ITGA11: variants seen among roughly 807,000 people sequenced by gnomAD.
ITGA11 encodes integrin alpha-11.
In ITGA11, 97 loss-of-function variants were observed where a neutral mutation model predicts 141.9. That is an observed-to-expected ratio of 0.68 (90% confidence interval 0.58 to 0.81). The LOEUF is 0.81. ITGA11 is among the 30% of genes least tolerant of loss of function. The probability of loss-of-function intolerance (pLI) is 0.00; values close to 1 mark genes in which losing one functional copy is unlikely to be tolerated. For synonymous variants in ITGA11, 658 were observed against 624.6 expected, an observed-to-expected ratio of 1.05 and a Z score of -0.80; for missense variants, 1,387 against 1,559.2, an observed-to-expected ratio of 0.89 and a Z score of 1.86.
At position 68,298,232 on chromosome 15, in the gene ITGA11, G is replaced by C. The variant is rs748100248; in HGVS notation, c.*4827C>G. The C allele has an allele frequency of 2.0e-5, 3 of 152,188 alleles. No homozygotes were observed. The highest frequency in any genetic ancestry group is 4.4e-5 in the Non-Finnish European group (3 of 68,038). 9.4% of individuals were successfully genotyped at this position (152,188 alleles called of 1,614,324 possible). A position where few individuals can be genotyped will look rare whatever the true frequency, so the allele number is the denominator to read the frequency against. ...TCACAAAACCTTAGCTTGTTGGCAA[G>C]TTTAGACAAAATTATATTTTCTAAT... On this transcript the variant is annotated 3_prime_UTR_variant, in exon 30 of 30. Coordinates refer to ENST00000315757, the MANE Select transcript of ITGA11 (RefSeq NM_001004439.2).
chr15:68,370,392 C>T (rs148216883), intron 2 of ITGA11, among the ~76,000 whole-genome samples: 1 of 152,148 alleles, frequency 6.6e-6, no homozygotes, highest in African/African-American at 2.4e-5. Flanking sequence ...AGAGTTCTAC[C>T]TCAGACTGGA....
chr15:68,364,749 G>A lies in ITGA11; in HGVS notation c.315C>T (p.Leu105=), dbSNP rs557058047. ...NVSERKDNMR[L]GLSLATNPKD... is the part of the protein sequence containing the mutation. ...TGGGGTTGGTGGCGAGACTAAGGCC[G>A]AGGCGCATGTTGTCTTTCCGCTCGG... is the stretch of plus-strand genomic sequence containing the variant. Residue 105 remains leucine, a synonymous_variant, in exon 4 of 30, where the codon CTC becomes CTT. Transcript: ENST00000315757. The A allele has an allele frequency of 6.8e-6, 11 of 1,606,786 alleles. No individual in the cohort carries two copies. Among genetic ancestry groups the A allele is most frequent in the African/African-American group, 4.0e-5 (3 of 74,660 alleles).
chr15:68,353,499 A>C (rs1314399821), intron 7 of ITGA11, among the ~76,000 whole-genome samples: 1 of 152,218 alleles, frequency 6.6e-6, no homozygotes, highest in African/African-American at 2.4e-5. Flanking sequence ...GCATGGCAGG[A>C]GCAAAACAGG....
intron 1 of ITGA11, among the ~76,000 whole-genome samples, chr15:68,412,667 GCTTTT>G (rs1419861598): frequency 1.7e-5 from 2 of 120,374 alleles, no homozygotes; most frequent in African/African-American, 3.0e-5. Flanking sequence ...GAACTTATTC[GCTTTT>G]TTTTTTTTTT....
intron 26 of ITGA11, 84 bp downstream of exon 26, chr15:68,310,910 G>A (rs187587764): frequency 3.9e-4 from 396 of 1,014,456 alleles, no homozygotes; most frequent in Non-Finnish European, 5.6e-4. Flanking sequence ...CAAGCTATTG[G>A]GTCGGGAGGG....
intron 7 of ITGA11, 71 bp from the exon 8 acceptor site, chr15:68,351,473 GA>G: frequency 6.5e-7 from 1 of 1,531,472 alleles, no homozygotes; most frequent in Non-Finnish European, 8.8e-7. Flanking sequence ...CGCTCCTGCA[GA>G]GGGGCAGCCA....
intron 2 of ITGA11, among the ~76,000 whole-genome samples, chr15:68,377,569 G>A (rs112026979): frequency 0.012 from 1,796 of 152,288 alleles, 42 homozygotes; most frequent in African/African-American, 0.04. Flanking sequence ...ACTGCGCCTG[G>A]CCCGAAGTAA....
chr15:68,370,046 G>A lies in ITGA11; in HGVS notation c.165-762C>T, dbSNP rs528399533. On this transcript the variant is annotated intron_variant, in intron 2 of 29. Coordinates refer to ENST00000315757, the MANE Select transcript of ITGA11 (RefSeq NM_001004439.2). ...TTAGGAGATGCTGCCCCAAGCCAAG[G>A]AGCGCCCGGGACCACCAGAAGCTGG... Among the ~76,000 whole-genome samples the A allele has an allele frequency of 1.8e-4, 27 of 152,222 alleles. No homozygotes were observed. The East Asian group carries it at 5.2e-3, about 29-fold the overall frequency.
intron 1 of ITGA11, among the ~76,000 whole-genome samples, chr15:68,426,717 T>C (rs1476601064): frequency 6.6e-6 from 1 of 152,086 alleles, no homozygotes; most frequent in African/African-American, 2.4e-5. Flanking sequence ...TTCCATTTCC[T>C]GAAGAGAGTA....
intron 6 of ITGA11, among the ~76,000 whole-genome samples, chr15:68,358,225 T>C (rs936588221): frequency 6.6e-6 from 1 of 152,210 alleles, no homozygotes; most frequent in African/African-American, 2.4e-5. Context: ...TCACAGGTGG[T>C]GTCTTGTGTC....
At chr15:68,402,464 G>A (rs1408941200) in intron 2 of ITGA11, among the ~76,000 whole-genome samples, 4 of 152,050 alleles carry the variant, frequency 2.6e-5, no homozygotes, top group Non-Finnish European at 4.4e-5. Context: ...CTGCTCTGGA[G>A]GGCTCTTGGG....
chr15:68,328,219 G>A lies in ITGA11; in HGVS notation c.1945C>T (p.Pro649Ser), dbSNP rs1321441688. 3 of 1,613,946 alleles carry A rather than the reference G, an allele frequency of 1.9e-6. No homozygotes were observed. Among genetic ancestry groups the A allele is most frequent in the Non-Finnish European group, 2.5e-6 (3 of 1,179,896 alleles). ...VQINASLHFE[P>S]SKINIFHRDC... ...CTGTGGAAGATGTTGATCTTGGATG[G>A]CTCAAAGTGGAGGCTGGCATTGATC... Residue 649 changes from proline (P) to serine (S), a missense_variant, in exon 16 of 30, where the codon CCA becomes TCA. Coordinates refer to ENST00000315757, the MANE Select transcript of ITGA11 (RefSeq NM_001004439.2). The surrounding 1 kb of genome is among the most constrained non-coding windows in gnomAD (Gnocchi z 4.8).
chr15:68,417,652 G>T (rs79087530), intron 1 of ITGA11, among the ~76,000 whole-genome samples: 1 of 151,884 alleles, frequency 6.6e-6, no homozygotes, highest in East Asian at 1.9e-4. Flanking sequence ...CAGGCCCTGC[G>T]GATTTGCTTT....
chr15:68,353,755 C>T (rs1027495294), intron 7 of ITGA11, among the ~76,000 whole-genome samples: 2 of 152,128 alleles, frequency 1.3e-5, no homozygotes, highest in Admixed American at 6.5e-5. Flanking sequence ...CAGAGTGGCC[C>T]ATGGAGATTT....
At chr15:68,415,681 G>T (rs1454895978) in intron 1 of ITGA11, among the ~76,000 whole-genome samples, 1 of 152,178 alleles carries the variant, frequency 6.6e-6, no homozygotes, top group African/African-American at 2.4e-5. Flanking sequence ...GCCCTAGATA[G>T]GGATGTGCTC....
chr15:68,395,626 T>C (rs1013327447), intron 2 of ITGA11, among the ~76,000 whole-genome samples: 4 of 112,550 alleles, frequency 3.6e-5, no homozygotes, highest in African/African-American at 1.5e-4. Context: ...GAAGAAAGAG[T>C]AAAGACAAAC....
At chr15:68,312,920 A>C (rs1893441861) in intron 23 of ITGA11, 57 bp from the exon 24 acceptor site, 3 of 1,280,228 alleles carry the variant, frequency 2.3e-6, no homozygotes, top group Non-Finnish European at 3.4e-6. Flanking sequence ...CTGGATGGAC[A>C]GATGAATGAA....
rs1456711900 is a variant in ITGA11, at chr15:68,297,482, T to G, written c.*5577A>C. 1.4e-5 allele frequency: 2 copies of G among 147,870 alleles called. No homozygotes were observed. Among genetic ancestry groups the G allele is most frequent in the East Asian group, 4.0e-4 (2 of 4,990 alleles). 9.2% of individuals were successfully genotyped at this position (147,870 alleles called of 1,614,324 possible). A position where few individuals can be genotyped will look rare whatever the true frequency, so the allele number is the denominator to read the frequency against. On this transcript the variant is annotated 3_prime_UTR_variant, in exon 30 of 30. Coordinates refer to ENST00000315757, the MANE Select transcript of ITGA11 (RefSeq NM_001004439.2). ...CAAAAGAAAGCTATGTCTGGTTAGG[T>G]AAATCATACACCTGTATCCAGAGTT...
rs976129909 is a variant in ITGA11 at position 68,322,785 on chromosome 15, C to T, written c.2323-1282G>A. 1.3e-5 allele frequency among the ~76,000 whole-genome samples: 2 copies of T among 151,400 alleles called. No individual in the cohort carries two copies. ...CTGAGGCAGGAGAATTGCTTGAACTCAGGCAGAGGCTGCAGTGGGCCAAGA... is the reference window on the plus strand; with the variant it reads ...CTGAGGCAGGAGAATTGCTTGAACTTAGGCAGAGGCTGCAGTGGGCCAAGA... On this transcript the variant is annotated intron_variant, in intron 18 of 29. Transcript: ENST00000315757. This position sits in a 1 kb window ranked among gnomAD's most constrained non-coding sequence, Gnocchi z 5.6.
Sources: allele counts gnomAD v4.1 joint callset (sites outside exome capture counted in the v4.1 genomes callset), GRCh38; gene constraint gnomAD v4.1.1; non-coding constraint Gnocchi (gnomAD v3.1); transcripts MANE v1.5; gene names NCBI Gene and HGNC (gene_info 2026-07-23, HGNC 2026-07-21).